The following HPSE variants were observed in gnomAD, a reference collection of about 807,000 sequenced individuals.
HPSE encodes heparanase, also known as endo-glucoronidase.
HPSE carries 48 observed loss-of-function variants against 65.1 expected under a neutral mutation model. The ratio of observed to expected loss-of-function variants is 0.74; its 90% CI spans 0.58 to 0.94. HPSE has a LOEUF of 0.94. HPSE is among the 40% of genes least tolerant of loss of function. The probability of loss-of-function intolerance (pLI) is 0.00; values close to 1 mark genes in which losing one functional copy is unlikely to be tolerated. For missense variants in HPSE, 644 were observed against 637.5 expected (o/e 1.01, Z -0.11); for synonymous variants, 243 against 260.0 (o/e 0.93, Z 0.63).
Position 83,326,843 on chromosome 4 carries a change from G to A in HPSE, c.228-4479C>T, listed in dbSNP as rs943941711. On this transcript the variant is annotated intron_variant, in intron 1 of 11. Transcript: ENST00000311412. The surrounding 1 kb of genome is among the most constrained non-coding windows in gnomAD (Gnocchi z 4.2). ...CCTCTAGCTGTATTTGTAAGCAGTC[G>A]CGGCTGGGCAAGAGACTGGGAAGTG... Among the ~76,000 whole-genome samples the A allele has an allele frequency of 2.0e-5, 3 of 152,090 alleles. No homozygotes were observed. Among genetic ancestry groups the A allele is most frequent in the Admixed American group, 6.6e-5 (1 of 15,266 alleles).
chr4:83,335,130 G>A (rs1295579258), upstream of HPSE: 1 of 232,710 alleles, frequency 4.3e-6, no homozygotes. Context: ...CGCCCGGGGA[G>A]GAGCGCCCGG....
chr4:83,331,361 C>T (rs28437505), intron 1 of HPSE, among the ~76,000 whole-genome samples: 2,550 of 152,222 alleles, frequency 0.017, 30 homozygotes, highest in Admixed American at 0.021. Flanking sequence ...ATCTATTGAA[C>T]TAAATAAAAT....
At chr4:83,309,990 A>G in intron 6 of HPSE, 41 bp downstream of exon 6, 1 of 1,425,996 alleles carries the variant, frequency 7.0e-7, no homozygotes, top group Non-Finnish European at 9.8e-7. Flanking sequence ...AAATAAAGCT[A>G]GCCTTACTTT....
At position 83,320,395 on chromosome 4, in the gene HPSE, C is replaced by T. The variant is rs199741207; in HGVS notation, c.374-926G>A. ...GCCTGGACAACATAGTAAAACCCTGCCTCTACTAAAAATACGAAAACTTAG... is the reference window on the plus strand; with the variant it reads ...GCCTGGACAACATAGTAAAACCCTGTCTCTACTAAAAATACGAAAACTTAG... On this transcript the variant is annotated intron_variant, in intron 2 of 11. Coordinates refer to ENST00000311412, the MANE Select transcript of HPSE (RefSeq NM_001098540.3). 3.3e-5 allele frequency among the ~76,000 whole-genome samples: 5 copies of T among 151,998 alleles called. No individual in the cohort carries two copies. In the East Asian group the frequency reaches 9.7e-4, roughly 30 times the overall value.
At chr4:83,299,682 G>T (rs1308841620) in intron 11 of HPSE, among the ~76,000 whole-genome samples, 1 of 151,900 alleles carries the variant, frequency 6.6e-6, no homozygotes, top group Non-Finnish European at 1.5e-5. Context: ...GAGATGGTGA[G>T]AATTTTGTAA....
Position 83,322,346 on chromosome 4 carries a change from G to GTT in HPSE, c.245_246insAA (p.Leu83ThrfsTer11), listed in dbSNP as rs1478800289. The stretch of plus-strand genomic sequence containing the variant: ...ACGCAGGAGACAAGCCTCTGGCCAA[G>GTT]GTACGAAGCTTTGGAGAACTGTTAG... On this transcript the variant is annotated frameshift_variant, in exon 2 of 12. Coordinates refer to ENST00000311412, the MANE Select transcript of HPSE (RefSeq NM_001098540.3). LOFTEE classifies it high-confidence loss of function. 6.2e-7 allele frequency: 1 copy of GTT among 1,611,436 alleles called. No individual in the cohort carries two copies. Among genetic ancestry groups the GTT allele is most frequent in the Non-Finnish European group, 8.5e-7 (1 of 1,179,052 alleles).
chr4:83,313,930 G>A (rs1026696204), intron 3 of HPSE, among the ~76,000 whole-genome samples: 2 of 152,124 alleles, frequency 1.3e-5, no homozygotes, highest in African/African-American at 4.8e-5. Context: ...ATAATGTTTA[G>A]TGTATGTCCT....
chr4:83,292,570 T>C lies in HPSE; in HGVS notation c.*2774A>G, dbSNP rs1735588360. The C allele has an allele frequency of 6.6e-6, 1 of 152,256 alleles. No homozygotes were observed. The highest frequency in any genetic ancestry group is 2.4e-5 in the African/African-American group (1 of 41,472). The allele number at this position is 152,256 out of a possible 1,614,324, so 9.4% of individuals were successfully genotyped here. A position where few individuals can be genotyped will look rare whatever the true frequency, so the allele number is the denominator to read the frequency against. On this transcript the variant is annotated 3_prime_UTR_variant, in exon 12 of 12. Coordinates refer to ENST00000311412, the MANE Select transcript of HPSE (RefSeq NM_001098540.3). ...AAATTTAATTTTCAGCTTTAGCTCC[T>C]TACAAATATACTTAAATTGAATGAA...
At chr4:83,306,071 C>A in intron 9 of HPSE, 132 bp downstream of exon 9, 1 of 577,480 alleles carries the variant, frequency 1.7e-6, no homozygotes, top group South Asian at 2.2e-5. Context: ...CTATCTAAGG[C>A]TCCTTCTAAT....
chr4:83,319,613 T>G, intron 2 of HPSE, 144 bp from the exon 3 acceptor site: 1 of 814,928 alleles, frequency 1.2e-6, no homozygotes. Context: ...AGAAAAGGTA[T>G]ATTCTGTAAC....
chr4:83,309,933 C>A, intron 6 of HPSE, 98 bp downstream of exon 6: 1 of 771,304 alleles, frequency 1.3e-6, no homozygotes, highest in Non-Finnish European at 2.2e-6. Flanking sequence ...ATTTGAACTG[C>A]AGTCAATTGG....
intron 9 of HPSE, among the ~76,000 whole-genome samples, chr4:83,305,544 T>C (rs2126185605): frequency 6.6e-6 from 1 of 152,316 alleles, no homozygotes; most frequent in East Asian, 1.9e-4. Context: ...AAAATATATA[T>C]CTGCAAATGA....
intron 5 of HPSE, 90 bp from the exon 6 acceptor site, chr4:83,310,168 G>A (rs1299080524): frequency 6.1e-6 from 5 of 816,094 alleles, no homozygotes; most frequent in South Asian, 1.8e-5. Flanking sequence ...GAAATGGGCT[G>A]GTTACTGCTT....
At position 83,327,242 on chromosome 4, in the gene HPSE, A is replaced by G. The variant is rs1386664114; in HGVS notation, c.228-4878T>C. ...ATGTAAGGGTAAGTCGCTGCCAGAC[A>G]AAGACTTTCCTGAACAAAATGAAAA... On this transcript the variant is annotated intron_variant, in intron 1 of 11. Coordinates refer to ENST00000311412, the MANE Select transcript of HPSE (RefSeq NM_001098540.3). Among the ~76,000 whole-genome samples the G allele has an allele frequency of 2.6e-5, 4 of 152,312 alleles. No individual in the cohort carries two copies. In the East Asian group the frequency reaches 7.7e-4, roughly 29 times the overall value.
chr4:83,312,721 G>T (rs1736448216), intron 4 of HPSE, among the ~76,000 whole-genome samples: 1 of 141,384 alleles, frequency 7.1e-6, no homozygotes, highest in African/African-American at 2.6e-5. Context: ...ATGCTAGCCG[G>T]GCCTGGTGGC....
At chr4:83,314,014 A>G (rs1052918092) in intron 3 of HPSE, among the ~76,000 whole-genome samples, 1 of 152,210 alleles carries the variant, frequency 6.6e-6, no homozygotes, top group Non-Finnish European at 1.5e-5. Flanking sequence ...GCACTTTGGG[A>G]GGCCGAGGCG....
intron 9 of HPSE, among the ~76,000 whole-genome samples, chr4:83,305,465 G>A (rs6839735): frequency 3.9e-5 from 6 of 152,214 alleles, no homozygotes; most frequent in South Asian, 4.1e-4. Flanking sequence ...ATATTTTCAC[G>A]TACGCTCTTT....
intron 1 of HPSE, among the ~76,000 whole-genome samples, chr4:83,333,343 T>C (rs950225119): frequency 1.2e-4 from 18 of 152,300 alleles, no homozygotes; most frequent in African/African-American, 4.1e-4. Context: ...CCAAGAGATA[T>C]GGAAAAACCA....
At chr4:83,302,716 G>T (rs1051378442) in intron 9 of HPSE, among the ~76,000 whole-genome samples, 1 of 152,198 alleles carries the variant, frequency 6.6e-6, no homozygotes, top group East Asian at 1.9e-4. Context: ...TGGCCAAAGT[G>T]TAATCCCAGG....
Sources: gnomAD v4.1 joint callset for allele counts (sites outside exome capture counted in the v4.1 genomes callset) on GRCh38, gnomAD v4.1.1 for gene constraint, Gnocchi (gnomAD v3.1) non-coding constraint, MANE v1.5 for transcripts, NCBI Gene and HGNC (gene_info 2026-07-23, HGNC 2026-07-21) for gene names.